Variants in DIAPH3 observed in about 807,000 individuals in gnomAD.
DIAPH3 encodes the protein protein diaphanous homolog 3.
A neutral mutation model predicts 144.3 loss-of-function variants in DIAPH3; 117 were observed. That is an observed-to-expected ratio of 0.81 (90% confidence interval 0.70 to 0.95). The LOEUF (loss-of-function observed/expected upper bound fraction) is 0.95, where lower values mean the gene tolerates loss of function less well. Among genes scored for constraint, DIAPH3 ranks in the 40% least tolerant of loss-of-function variants. The pLI is 0.00. For missense variants in DIAPH3, 1,421 were observed against 1,412.7 expected, an observed-to-expected ratio of 1.01 and a Z score of -0.09; for synonymous variants, 519 against 488.9, an observed-to-expected ratio of 1.06 and a Z score of -0.81.
intron 17 of DIAPH3, among the ~76,000 whole-genome samples, chr13:59,926,150 T>C (rs547287861): frequency 6.6e-6 from 1 of 151,838 alleles, no homozygotes; most frequent in Admixed American, 6.6e-5. Context: ...CACATTCAGC[T>C]AATTTCTTTT....
At chr13:59,682,848 T>C (rs746582855) in intron 27 of DIAPH3, among the ~76,000 whole-genome samples, 1 of 152,214 alleles carries the variant, frequency 6.6e-6, no homozygotes, top group Admixed American at 6.5e-5. Flanking sequence ...CCTGGTGTTG[T>C]AGTTTTTTGT....
At chr13:59,710,328 C>T (rs2138825216) in intron 27 of DIAPH3, among the ~76,000 whole-genome samples, 1 of 147,670 alleles carries the variant, frequency 6.8e-6, no homozygotes, top group Non-Finnish European at 1.5e-5. Flanking sequence ...GGTATATCTG[C>T]AAAGATCTTA....
At chr13:59,836,795 T>C (rs1283925515) in intron 23 of DIAPH3, among the ~76,000 whole-genome samples, 2 of 152,002 alleles carry the variant, frequency 1.3e-5, no homozygotes, top group Non-Finnish European at 2.9e-5. Context: ...ATTTGATATG[T>C]ACCTCGATGA....
intron 15 of DIAPH3, among the ~76,000 whole-genome samples, chr13:59,973,711 T>C (rs1268834512): frequency 2.0e-5 from 3 of 152,112 alleles, no homozygotes; most frequent in Non-Finnish European, 4.4e-5. Flanking sequence ...AAACTATACT[T>C]ATTGCTCATC....
chr13:60,085,818 T>G (rs2057727387), intron 4 of DIAPH3, among the ~76,000 whole-genome samples: 1 of 152,112 alleles, frequency 6.6e-6, no homozygotes, highest in African/African-American at 2.4e-5. Flanking sequence ...ACTACATTCA[T>G]GGTTATCTGA....
chr13:60,107,838 G>A (rs888768886), intron 3 of DIAPH3, among the ~76,000 whole-genome samples: 1 of 152,150 alleles, frequency 6.6e-6, no homozygotes, highest in African/African-American at 2.4e-5. Flanking sequence ...TTGTCAGAAT[G>A]ATTTTGGTAT....
chr13:60,130,799 T>C (rs1766061537), intron 2 of DIAPH3, among the ~76,000 whole-genome samples: 2 of 152,218 alleles, frequency 1.3e-5, no homozygotes. Flanking sequence ...CTAGGCATTA[T>C]GGTAACAACT....
chr13:60,003,578 T>G (rs1056484232), intron 9 of DIAPH3, among the ~76,000 whole-genome samples: 14 of 151,004 alleles, frequency 9.3e-5, no homozygotes, highest in Non-Finnish European at 1.3e-4. Flanking sequence ...TATAGATATA[T>G]ATATATTTTT....
chr13:60,106,227 G>A (rs548666469), intron 3 of DIAPH3, among the ~76,000 whole-genome samples: 8 of 152,094 alleles, frequency 5.3e-5, no homozygotes, highest in African/African-American at 1.9e-4. Flanking sequence ...CGTAAATGCA[G>A]AACTAGACAA....
At chr13:59,708,963 T>TC (rs2034577789) in intron 27 of DIAPH3, among the ~76,000 whole-genome samples, 1 of 152,148 alleles carries the variant, frequency 6.6e-6, no homozygotes, top group South Asian at 2.1e-4. Context: ...GTATCAGGAC[T>TC]ATAAAGATGA....
intron 1 of DIAPH3, among the ~76,000 whole-genome samples, chr13:60,145,499 A>C (rs1421559813): frequency 2.0e-5 from 3 of 152,024 alleles, no homozygotes; most frequent in Non-Finnish European, 4.4e-5. Flanking sequence ...AAATACAAAA[A>C]ATTAGCTGGG....
At chr13:59,669,502 C>T (rs144069205) in intron 27 of DIAPH3, among the ~76,000 whole-genome samples, 111 of 152,330 alleles carry the variant, frequency 7.3e-4, no homozygotes, top group South Asian at 3.3e-3. Flanking sequence ...CACATACATC[C>T]GCCCCTCCTG....
chr13:60,002,877 C>G, intron 9 of DIAPH3, among the ~76,000 whole-genome samples: 1 of 152,072 alleles, frequency 6.6e-6, no homozygotes. Context: ...GCTCTTGATA[C>G]TCCAGGAAAG....
intron 17 of DIAPH3, among the ~76,000 whole-genome samples, chr13:59,948,294 C>A (rs979504182): frequency 6.6e-6 from 1 of 152,208 alleles, no homozygotes; most frequent in African/African-American, 2.4e-5. Context: ...TTCTTTGACT[C>A]TGTAGAATTA....
At chr13:60,118,243 TATCTGA>T (rs2058747408) in intron 2 of DIAPH3, among the ~76,000 whole-genome samples, 1 of 152,270 alleles carries the variant, frequency 6.6e-6, no homozygotes, top group Non-Finnish European at 1.5e-5. Flanking sequence ...CAAAAAAAAC[TATCTGA>T]ATTTTTAGCT....
intron 27 of DIAPH3, among the ~76,000 whole-genome samples, chr13:59,669,714 A>G (rs1263780377): frequency 6.6e-6 from 1 of 152,096 alleles, no homozygotes; most frequent in Non-Finnish European, 1.5e-5. Context: ...ATAATCATAA[A>G]TTTATGAGGT....
At chr13:60,046,101 A>T (rs2056049428) in intron 4 of DIAPH3, among the ~76,000 whole-genome samples, 1 of 152,052 alleles carries the variant, frequency 6.6e-6, no homozygotes, top group African/African-American at 2.4e-5. Context: ...TTCTCTTCCA[A>T]CTCCTGAATA....
chr13:59,896,012 G>A (rs2046073126), intron 20 of DIAPH3, among the ~76,000 whole-genome samples: 1 of 152,124 alleles, frequency 6.6e-6, no homozygotes, highest in South Asian at 2.1e-4. Flanking sequence ...CCCACCTCCT[G>A]TGTGCATCTA....
intron 25 of DIAPH3, among the ~76,000 whole-genome samples, chr13:59,804,373 T>C (rs929099432): frequency 6.6e-6 from 1 of 152,160 alleles, no homozygotes; most frequent in Non-Finnish European, 1.5e-5. Context: ...TCATCAGTGG[T>C]AAAATATAAT....
Sources: allele counts gnomAD v4.1 joint callset (sites outside exome capture counted in the v4.1 genomes callset), GRCh38; gene constraint gnomAD v4.1.1; transcripts MANE v1.5; gene names NCBI Gene and HGNC (gene_info 2026-07-23, HGNC 2026-07-21).